Variants in UNC13C observed in about 807,000 individuals in gnomAD.
UNC13C encodes the protein protein unc-13 homolog C.
A neutral mutation model predicts 245.4 loss-of-function variants in UNC13C; 174 were observed. The ratio of observed to expected loss-of-function variants is 0.71; its 90% CI spans 0.63 to 0.80. The LOEUF is 0.80. UNC13C is among the 30% of genes least tolerant of loss of function. The pLI, the probability that UNC13C is intolerant of heterozygous loss-of-function variation, is 0.00. For synonymous variants in UNC13C, 992 were observed against 895.1 expected, an observed-to-expected ratio of 1.11 and a Z score of -1.93; for missense variants, 2,829 against 2,602.9, an observed-to-expected ratio of 1.09 and a Z score of -1.89.
intron 4 of UNC13C, among the ~76,000 whole-genome samples, chr15:54,219,644 C>G (rs1184639690): frequency 1.3e-5 from 2 of 151,062 alleles, no homozygotes; most frequent in African/African-American, 4.9e-5. Context: ...AAAGAAACTA[C>G]CATCAGAGTG....
At chr15:54,455,177 C>CTCTCTG (rs1555467279) in intron 19 of UNC13C, among the ~76,000 whole-genome samples, 2 of 34,452 alleles carry the variant, frequency 5.8e-5, no homozygotes, top group South Asian at 2.0e-3. Context: ...CTCTCTCTCT[C>CTCTCTG]TCTCTCTCTC....
intron 19 of UNC13C, among the ~76,000 whole-genome samples, chr15:54,447,231 G>A (rs1221741420): frequency 2.0e-5 from 3 of 152,002 alleles, no homozygotes; most frequent in Admixed American, 6.6e-5. Flanking sequence ...ATGTTCATCA[G>A]GGATATTGGT....
chr15:54,511,093 T>C (rs1894716743), intron 23 of UNC13C, among the ~76,000 whole-genome samples: 1 of 152,118 alleles, frequency 6.6e-6, no homozygotes, highest in African/African-American at 2.4e-5. Flanking sequence ...GCATGTACAA[T>C]GTATTTAACG....
intron 31 of UNC13C, among the ~76,000 whole-genome samples, chr15:54,623,062 T>G (rs1235980577): frequency 6.6e-6 from 1 of 152,172 alleles, no homozygotes; most frequent in African/African-American, 2.4e-5. Flanking sequence ...TACTGTCAAT[T>G]TCCTTAAATA....
chr15:54,506,799 T>C (rs7182172), intron 22 of UNC13C, among the ~76,000 whole-genome samples: 4,986 of 152,220 alleles, frequency 0.033, 274 homozygotes, highest in African/African-American at 0.12. Flanking sequence ...TATTGTTGCC[T>C]TATCTCTTCT....
chr15:54,035,494 A>G (rs936437612), intron 2 of UNC13C, among the ~76,000 whole-genome samples: 1 of 152,088 alleles, frequency 6.6e-6, no homozygotes, highest in Non-Finnish European at 1.5e-5. Flanking sequence ...ATAGGAACTC[A>G]TTTTCTCCAA....
In UNC13C at chr15:54,265,394, G is replaced by C; in HGVS notation, c.3716G>C (p.Gly1239Ala). ...GGTCTACAGGCAAAAGATAAAACAG[G>C]GTCTAGTGATCCATATGTTACAGTT... ...AQGLQAKDKT[G>A]SSDPYVTVQV... Residue 1239 changes from glycine (G) to alanine (A), a missense_variant, in exon 10 of 33, where the codon GGG becomes GCG. By Grantham distance (60) the Gly-to-Ala change is moderately conservative (BLOSUM62 0). Coordinates refer to ENST00000260323, the MANE Select transcript of UNC13C (RefSeq NM_001080534.3). 1 of 1,585,502 alleles carries C rather than the reference G, an allele frequency of 6.3e-7. No individual in the cohort carries two copies. The highest frequency in any genetic ancestry group is 8.6e-7 in the Non-Finnish European group (1 of 1,163,830).
intron 16 of UNC13C, 92 bp from the exon 17 acceptor site, chr15:54,338,269 A>T: frequency 7.3e-7 from 1 of 1,372,724 alleles, no homozygotes; most frequent in Non-Finnish European, 9.7e-7. Flanking sequence ...AAATCGACTG[A>T]AAGTATTTAT....
At chr15:54,120,913 A>G (rs1164460038) in intron 2 of UNC13C, among the ~76,000 whole-genome samples, 2 of 152,164 alleles carry the variant, frequency 1.3e-5, no homozygotes, top group Non-Finnish European at 2.9e-5. Context: ...ATTAAACTTC[A>G]GTGAGTGAGG....
chr15:54,518,707 T>G (rs1895086870), intron 24 of UNC13C, among the ~76,000 whole-genome samples: 1 of 152,106 alleles, frequency 6.6e-6, no homozygotes, highest in Non-Finnish European at 1.5e-5. Context: ...CCCCAGCACT[T>G]GATGGTCAAC....
At chr15:54,165,991 G>A (rs143315310) in intron 4 of UNC13C, among the ~76,000 whole-genome samples, 38 of 151,908 alleles carry the variant, frequency 2.5e-4, no homozygotes, top group African/African-American at 6.7e-4. Flanking sequence ...GTGATTGTTC[G>A]TCTATTGTTC....
rs111795034 is a variant in UNC13C, at chr15:54,359,594, A to T, written c.4713+21105A>T. On this transcript the variant is annotated intron_variant, in intron 17 of 32. Coordinates refer to ENST00000260323, the MANE Select transcript of UNC13C (RefSeq NM_001080534.3). ...AGGCTGTATGTGTTCAGGAATTTAT[A>T]CATTTCTTATAGATTTTTCCACTTG... 5.5e-3 allele frequency among the ~76,000 whole-genome samples: 828 copies of T among 151,926 alleles called. 2 individuals carry two copies. Among genetic ancestry groups the T allele is most frequent in the African/African-American group, 0.019 (791 of 41,496 alleles).
intron 4 of UNC13C, among the ~76,000 whole-genome samples, chr15:54,155,739 AG>A (rs2141257756): frequency 6.6e-6 from 1 of 152,336 alleles, no homozygotes; most frequent in South Asian, 2.1e-4. Flanking sequence ...TACATTTAAG[AG>A]AAGCTGCATT....
At chr15:54,605,997 G>A (rs1036633844) in intron 30 of UNC13C, among the ~76,000 whole-genome samples, 2 of 152,150 alleles carry the variant, frequency 1.3e-5, no homozygotes, top group Non-Finnish European at 1.5e-5. Flanking sequence ...AAAGGCATCC[G>A]TGTGTAAAAC....
intron 30 of UNC13C, among the ~76,000 whole-genome samples, chr15:54,621,428 T>A (rs1301124881): frequency 6.6e-6 from 1 of 152,162 alleles, no homozygotes; most frequent in Non-Finnish European, 1.5e-5. Flanking sequence ...TATATATTCA[T>A]ATAATGGATT....
intron 10 of UNC13C, among the ~76,000 whole-genome samples, chr15:54,271,437 T>C (rs958211871): frequency 4.6e-5 from 7 of 152,236 alleles, no homozygotes; most frequent in African/African-American, 1.7e-4. Context: ...CTTATGCTTA[T>C]CATAAACCAT....
At chr15:54,552,153 T>C (rs1896764709) in intron 28 of UNC13C, among the ~76,000 whole-genome samples, 1 of 147,908 alleles carries the variant, frequency 6.8e-6, no homozygotes, top group African/African-American at 2.5e-5. Context: ...GATTTGGGAT[T>C]ATTCCATTAA....
intron 19 of UNC13C, among the ~76,000 whole-genome samples, chr15:54,450,236 T>C (rs1355938403): frequency 6.6e-6 from 1 of 152,082 alleles, no homozygotes; most frequent in Non-Finnish European, 1.5e-5. Context: ...ACTTGAGGAG[T>C]CAGTCTGTCC....
intron 17 of UNC13C, among the ~76,000 whole-genome samples, chr15:54,348,676 T>A (rs1224965893): frequency 1.3e-5 from 2 of 152,208 alleles, no homozygotes; most frequent in Non-Finnish European, 2.9e-5. Context: ...TGTGGATGTA[T>A]CTTTCTCAGT....
Sources: allele counts gnomAD v4.1 joint callset (sites outside exome capture counted in the v4.1 genomes callset), GRCh38; gene constraint gnomAD v4.1.1; transcripts MANE v1.5; gene names NCBI Gene and HGNC (gene_info 2026-07-23, HGNC 2026-07-21).